Variants in BAG3 observed in about 807,000 individuals in gnomAD.
The protein encoded by BAG3 is BAG cochaperone 3.
In BAG3, 14 loss-of-function variants were observed where a neutral mutation model predicts 40.5. That is an observed-to-expected ratio of 0.35 (90% confidence interval 0.23 to 0.54). The LOEUF (loss-of-function observed/expected upper bound fraction) is 0.54. BAG3 is among the 20% of genes least tolerant of loss of function. The probability of loss-of-function intolerance (pLI) is 0.91; values close to 1 mark genes in which losing one functional copy is unlikely to be tolerated. For synonymous variants in BAG3, 302 were observed against 307.8 expected (o/e 0.98, Z 0.20); for missense variants, 788 against 758.6 (o/e 1.04, Z -0.46).
chr10:119,663,290 G>T (rs768340397), intron 1 of BAG3, among the ~76,000 whole-genome samples: 1 of 148,894 alleles, frequency 6.7e-6, no homozygotes, highest in East Asian at 2.0e-4. Flanking sequence ...ATTTGTTTTT[G>T]GTTTTGTTTT....
In BAG3 at chr10:119,672,635, C is replaced by T. The variant is rs139399890; in HGVS notation, c.888C>T (p.His296=). 6.9e-4 allele frequency: 1,109 copies of T among 1,613,762 alleles called. 3 individuals are homozygous for T. The highest frequency in any genetic ancestry group is 8.3e-4 in the Non-Finnish European group (976 of 1,180,036). ...ACTCCCCCTCGCCCATCCGTGTGCA[C>T]ACCGTGGTCGACAGGCCTCAGGTAC... The part of the protein sequence containing the change: ...PLHSPSPIRV[H]TVVDRPQQPM... Residue 296 remains histidine, a synonymous_variant, in exon 3 of 4, where the codon CAC becomes CAT. Coordinates refer to ENST00000369085, the MANE Select transcript of BAG3 (RefSeq NM_004281.4). This position sits in a 1 kb window ranked among gnomAD's most constrained non-coding sequence, Gnocchi z 4.8.
intron 1 of BAG3, among the ~76,000 whole-genome samples, chr10:119,666,154 C>G (rs574261023): frequency 6.6e-6 from 1 of 152,322 alleles, no homozygotes; most frequent in East Asian, 1.9e-4. Context: ...CCCTGACGTC[C>G]TTCTTCACTT....
At position 119,651,547 on chromosome 10, in the gene BAG3, G is replaced by C; in HGVS notation, c.-129G>C. On this transcript the variant is annotated 5_prime_UTR_variant, in exon 1 of 4. Coordinates refer to ENST00000369085, the MANE Select transcript of BAG3 (RefSeq NM_004281.4). The stretch of plus-strand genomic sequence containing the variant: ...GTCACCCCCGCCTTTAATTCATAAA[G>C]GTGCCCGGCGCCGGCTTCCCGGACA... 1.2e-6 allele frequency: 1 copy of C among 863,240 alleles called. No individual in the cohort carries two copies. Among genetic ancestry groups the C allele is most frequent in the African/African-American group, 1.8e-5 (1 of 55,538 alleles). The allele number at this position is 863,240 out of a possible 1,614,324, so 53.5% of individuals were successfully genotyped here. A position where few individuals can be genotyped will look rare whatever the true frequency, so the allele number is the denominator to read the frequency against.
chr10:119,677,500 G>C lies in BAG3; in HGVS notation c.*218G>C, dbSNP rs8946. 0.37 allele frequency: 248,277 copies of C among 674,268 alleles called. 46,116 individuals carry two copies. Among genetic ancestry groups the C allele is most frequent in the African/African-American group, 0.39 (21,381 of 54,306 alleles). 41.8% of individuals were successfully genotyped at this position (674,268 alleles called of 1,614,324 possible). Reference sequence around the variant, plus strand: ...CAAATAAAGAAGTTGCTTGTTGTTTGAGAAGTTTAACCCCGTTGCTTGTTG... The same window carrying C: ...CAAATAAAGAAGTTGCTTGTTGTTTCAGAAGTTTAACCCCGTTGCTTGTTG... On this transcript the variant is annotated 3_prime_UTR_variant, in exon 4 of 4. Transcript: ENST00000369085.
intron 3 of BAG3, among the ~76,000 whole-genome samples, chr10:119,674,670 C>G (rs1464102597): frequency 1.3e-5 from 2 of 152,118 alleles, no homozygotes; most frequent in African/African-American, 2.4e-5. Flanking sequence ...TGAATAAGAG[C>G]CAAGATAAGG....
intron 1 of BAG3, 95 bp from the exon 2 acceptor site, chr10:119,669,756 A>G: frequency 7.8e-7 from 1 of 1,279,490 alleles, no homozygotes; most frequent in Non-Finnish European, 1.1e-6. Flanking sequence ...GTCACTCGGG[A>G]AGATCACAAT....
intron 1 of BAG3, among the ~76,000 whole-genome samples, chr10:119,665,823 C>T (rs559784170): frequency 2.0e-4 from 31 of 151,890 alleles, no homozygotes; most frequent in Admixed American, 7.2e-4. Flanking sequence ...AACAAAACCC[C>T]ACCAGAGTAG....
chr10:119,666,803 G>T (rs1391535142), intron 1 of BAG3, among the ~76,000 whole-genome samples: 4 of 152,094 alleles, frequency 2.6e-5, no homozygotes, highest in Non-Finnish European at 1.5e-5. Flanking sequence ...CAGTGTGGGG[G>T]TTTGATGGAG....
chr10:119,665,128 A>ATT (rs1847044546), intron 1 of BAG3, among the ~76,000 whole-genome samples: 1 of 65,766 alleles, frequency 1.5e-5, no homozygotes, highest in African/African-American at 5.7e-5. Context: ...GTGTGTGTGT[A>ATT]TATATATATA....
intron 1 of BAG3, among the ~76,000 whole-genome samples, chr10:119,654,440 G>A (rs776262353): frequency 6.6e-6 from 1 of 152,204 alleles, no homozygotes; most frequent in Non-Finnish European, 1.5e-5. Context: ...GGAAAGAAAA[G>A]ACTAGACCTT....
intron 3 of BAG3, among the ~76,000 whole-genome samples, chr10:119,675,743 TTTTCCTTC>T (rs1847208698): frequency 9.0e-6 from 1 of 111,384 alleles, no homozygotes; most frequent in East Asian, 2.5e-4. Flanking sequence ...TTTGCTATTT[TTTTCCTTC>T]TTTCCTTCCT....
Position 119,651,858 on chromosome 10 carries a change from G to A in BAG3, c.180+3G>A, listed in dbSNP as rs2134050701. On this transcript the variant is annotated splice_donor_region_variant and intron_variant, in intron 1 of 3. Coordinates refer to ENST00000369085, the MANE Select transcript of BAG3 (RefSeq NM_004281.4). The stretch of plus-strand genomic sequence containing the variant: ...GCGTGCCCTCTGAGGGCCCCAAGGT[G>A]AGCCGGGCCCGCGGCCCGCCCTGGT... The A allele has an allele frequency of 6.4e-7, 1 of 1,558,808 alleles. No individual in the cohort carries two copies. Among genetic ancestry groups the A allele is most frequent in the Non-Finnish European group, 8.7e-7 (1 of 1,153,576 alleles).
In BAG3 at chr10:119,651,424, A is replaced by G; in HGVS notation, c.-252A>G. The G allele has an allele frequency of 2.6e-6, 1 of 389,400 alleles. No homozygotes were observed. Among genetic ancestry groups the G allele is most frequent in the Non-Finnish European group, 4.5e-6 (1 of 222,000 alleles). 24.1% of individuals were successfully genotyped at this position (389,400 alleles called of 1,614,324 possible). On this transcript the variant is annotated 5_prime_UTR_variant, in exon 1 of 4. Transcript: ENST00000369085. ...GGCCAACTTCTCTGGACTGGACCAG[A>G]AGTTTCTAGCCGGCCAGTTGCTACC...
intron 1 of BAG3, among the ~76,000 whole-genome samples, chr10:119,662,484 G>A (rs1847007689): frequency 6.6e-6 from 1 of 152,050 alleles, no homozygotes; most frequent in Non-Finnish European, 1.5e-5. Context: ...GGATTTCTGT[G>A]TTCTTGCATC....
rs1005678121 is a variant in BAG3, at chr10:119,666,288, C to T, written c.181-3563C>T. Among the ~76,000 whole-genome samples, 5 of 152,222 alleles carry T rather than the reference C, an allele frequency of 3.3e-5. No homozygotes were observed. In the East Asian group the frequency reaches 7.7e-4, roughly 24 times the overall value. On this transcript the variant is annotated intron_variant, in intron 1 of 3. Transcript: ENST00000369085. ...TTCCAGCCTGGCCCCTGGTCTCTAG[C>T]CTCATCTCCCTCAGCTCAGCACTGA...
At chr10:119,671,553 G>C (rs1847150278) in intron 2 of BAG3, among the ~76,000 whole-genome samples, 1 of 152,148 alleles carries the variant, frequency 6.6e-6, no homozygotes, top group South Asian at 2.1e-4. Context: ...GCAGAGAAAG[G>C]GTAGTGGGGA....
At chr10:119,664,699 A>G (rs536314912) in intron 1 of BAG3, among the ~76,000 whole-genome samples, 3 of 152,328 alleles carry the variant, frequency 2.0e-5, no homozygotes, top group African/African-American at 7.2e-5. Flanking sequence ...TATCTGAGAG[A>G]TGCTGGTGTA....
chr10:119,676,304 A>G (rs935157487), intron 3 of BAG3, among the ~76,000 whole-genome samples, 160 bp from the exon 4 acceptor site: 2 of 152,114 alleles, frequency 1.3e-5, no homozygotes, highest in Admixed American at 1.3e-4. Flanking sequence ...CCATGTTTTT[A>G]TTTTGTAACA....
In BAG3 at chr10:119,672,643, T is replaced by A. The variant is rs1489316347; in HGVS notation, c.896T>A (p.Val299Asp). 6.2e-7 allele frequency: 1 copy of A among 1,613,606 alleles called. No individual in the cohort carries two copies. The highest frequency in any genetic ancestry group is 8.5e-7 in the Non-Finnish European group (1 of 1,180,008). Residue 299 changes from valine to aspartate, a missense_variant, in exon 3 of 4, where the codon GTC becomes GAC. Physicochemically the swap from Val to Asp is radical, Grantham distance 152 (BLOSUM62 -3). Coordinates refer to ENST00000369085, the MANE Select transcript of BAG3 (RefSeq NM_004281.4). This position sits in a 1 kb window ranked among gnomAD's most constrained non-coding sequence, Gnocchi z 4.8. Reference sequence around the variant, plus strand: ...TCGCCCATCCGTGTGCACACCGTGGTCGACAGGCCTCAGGTACGGGAAGTT... The same window carrying A: ...TCGCCCATCCGTGTGCACACCGTGGACGACAGGCCTCAGGTACGGGAAGTT... ...SPSPIRVHTVVDRPQQPMTHR... is the reference protein window; with the variant it reads ...SPSPIRVHTVDDRPQQPMTHR...
Sources: allele counts gnomAD v4.1 joint callset (sites outside exome capture counted in the v4.1 genomes callset), GRCh38; gene constraint gnomAD v4.1.1; non-coding constraint Gnocchi (gnomAD v3.1); transcripts MANE v1.5; gene names NCBI Gene and HGNC (gene_info 2026-07-23, HGNC 2026-07-21).